ZNF433: variants seen among roughly 807,000 people sequenced by gnomAD.
ZNF433 encodes zinc finger protein 433.
A neutral mutation model predicts 10.6 loss-of-function variants in ZNF433; 12 were observed. The observed-to-expected ratio is 1.13, with a 90% CI of 0.72 to 1.83. ZNF433 has a LOEUF of 1.83. Ranked by LOEUF, ZNF433 falls within the 40% of genes most tolerant of loss-of-function variation. ZNF433 has a pLI of 0.00. For synonymous variants in ZNF433, 272 were observed against 271.3 expected (o/e 1.00, Z -0.02); for missense variants, 737 against 798.0 (o/e 0.92, Z 0.92).
chr19:12,017,948 A>G lies in ZNF433; in HGVS notation c.131-12T>C. 6.4e-7 allele frequency: 1 copy of G among 1,556,708 alleles called. No individual in the cohort carries two copies. Among genetic ancestry groups the G allele is most frequent in the Non-Finnish European group, 8.7e-7 (1 of 1,152,532 alleles). On this transcript the variant is annotated splice_polypyrimidine_tract_variant and intron_variant, in intron 2 of 3. Coordinates refer to ENST00000550507, the MANE Select transcript of ZNF433 (RefSeq NM_001308348.2). ...TTTCCATTTTTTCCCTACAACACAC[A>G]ACAAGGAAAATAATCTTGAATTAGT...
At chr19:12,031,337 T>A (rs1402594105) in intron 1 of ZNF433, among the ~76,000 whole-genome samples, 1 of 141,770 alleles carries the variant, frequency 7.1e-6, no homozygotes, top group Non-Finnish European at 1.5e-5. Flanking sequence ...ACAAAGCAGC[T>A]GACCAACATT....
chr19:12,032,329 A>C (rs923143304), intron 1 of ZNF433, among the ~76,000 whole-genome samples: 1 of 152,114 alleles, frequency 6.6e-6, no homozygotes, highest in African/African-American at 2.4e-5. Flanking sequence ...AAAATAGTAA[A>C]CTTTCCCTAT....
chr19:12,031,295 AAAAAAAAAAAAAAAACAAAAC>A (rs1189830964), intron 1 of ZNF433, among the ~76,000 whole-genome samples: 2 of 120,864 alleles, frequency 1.7e-5, no homozygotes, highest in African/African-American at 8.1e-5. Context: ...ACTCCATCTC[AAAAAAAAAAAAAAAACAAAAC>A]AAAAAAAAAA....
chr19:12,018,214 G>C lies in ZNF433; in HGVS notation c.82C>G (p.Leu28Val). Residue 28 changes from leucine to valine, a missense_variant, in exon 2 of 4, where the codon CTC becomes GTC. Leu to Val is a conservative substitution (Grantham distance 32). Coordinates refer to ENST00000550507, the MANE Select transcript of ZNF433 (RefSeq NM_001308348.2). Reference sequence around the variant, plus strand: ...GTTTCTTGCATCACATCTCTACAGAGATTTTTCTGGGAAGGATCCAGCAAA... The same window carrying C: ...GTTTCTTGCATCACATCTCTACAGACATTTTTCTGGGAAGGATCCAGCAAA... Reference protein sequence around the residue: ...WALLDPSQKNLCRDVMQETFR... With the variant: ...WALLDPSQKNVCRDVMQETFR... The C allele has an allele frequency of 1.2e-6, 2 of 1,612,680 alleles. No individual in the cohort carries two copies. The highest frequency in any genetic ancestry group is 1.7e-6 in the Non-Finnish European group (2 of 1,179,498).
Position 12,033,561 on chromosome 19 carries a change from A to G in ZNF433, c.3+1976T>C, listed in dbSNP as rs759143479. Among the ~76,000 whole-genome samples, 4 of 151,512 alleles carry G rather than the reference A, an allele frequency of 2.6e-5. No homozygotes were observed. The East Asian group carries it at 7.8e-4, about 30-fold the overall frequency. On this transcript the variant is annotated intron_variant, in intron 1 of 3. Transcript: ENST00000550507. ...AAACGGGCCAGGCGCAGTGACTCAC[A>G]CCTGTAATCCCAGCACTTTGGGAGG...
At chr19:12,019,290 A>G (rs1974375021) in intron 1 of ZNF433, among the ~76,000 whole-genome samples, 1 of 151,988 alleles carries the variant, frequency 6.6e-6, no homozygotes, top group Non-Finnish European at 1.5e-5. Context: ...GCATGGTGGT[A>G]TGCACCTGCA....
intron 1 of ZNF433, chr19:12,024,713 C>G (rs1172449342): frequency 6.6e-6 from 1 of 152,226 alleles, no homozygotes; most frequent in Non-Finnish European, 1.5e-5. Context: ...TTCAACTCAG[C>G]ATTCACCTAC....
intron 1 of ZNF433, among the ~76,000 whole-genome samples, chr19:12,027,571 A>G (rs1258103152): frequency 6.6e-6 from 1 of 152,254 alleles, no homozygotes; most frequent in African/African-American, 2.4e-5. Flanking sequence ...GCTGCAGATA[A>G]CTAGCCAGAG....
chr19:12,022,499 G>A (rs1974545991), intron 1 of ZNF433, among the ~76,000 whole-genome samples: 1 of 152,176 alleles, frequency 6.6e-6, no homozygotes. Context: ...CCATGACCGA[G>A]ATGGTCTTGG....
In ZNF433 at chr19:12,033,444, G is replaced by A. The variant is rs139302130; in HGVS notation, c.3+2093C>T. On this transcript the variant is annotated intron_variant, in intron 1 of 3. Coordinates refer to ENST00000550507, the MANE Select transcript of ZNF433 (RefSeq NM_001308348.2). ...TGAGGCAGGAGAATGGCATGAACCC[G>A]GGAGGTGGAGCTTGCAGTGAGCAGA... Among the ~76,000 whole-genome samples the A allele has an allele frequency of 2.6e-3, 399 of 152,262 alleles. 3 individuals carry two copies. The highest frequency in any genetic ancestry group is 4.6e-3 in the South Asian group (22 of 4,828).
intron 1 of ZNF433, among the ~76,000 whole-genome samples, chr19:12,032,325 G>C (rs190649312): frequency 1.3e-5 from 2 of 152,052 alleles, no homozygotes; most frequent in Non-Finnish European, 2.9e-5. Flanking sequence ...AGTTAAAATA[G>C]TAAACTTTCC....
intron 1 of ZNF433, among the ~76,000 whole-genome samples, chr19:12,035,331 G>A (rs1443552409): frequency 6.6e-6 from 1 of 152,214 alleles, no homozygotes; most frequent in African/African-American, 2.4e-5. Context: ...CAGTCACCGC[G>A]CAGGGACAGG....
chr19:12,022,929 A>G (rs140362048), intron 1 of ZNF433, among the ~76,000 whole-genome samples: 84 of 152,322 alleles, frequency 5.5e-4, no homozygotes, highest in African/African-American at 1.9e-3. Flanking sequence ...ACCTTGAGCA[A>G]TGGCTCTCAG....
At chr19:12,027,923 A>C (rs1974817785) in intron 1 of ZNF433, 1 of 152,230 alleles carries the variant, frequency 6.6e-6, no homozygotes, top group Admixed American at 6.5e-5. Context: ...AGGCTATAGC[A>C]ACCAGTATTC....
intron 1 of ZNF433, among the ~76,000 whole-genome samples, chr19:12,033,444 G>T (rs139302130): frequency 1.3e-5 from 2 of 152,144 alleles, no homozygotes; most frequent in African/African-American, 4.8e-5. Flanking sequence ...GCATGAACCC[G>T]GGAGGTGGAG....
At chr19:12,031,730 A>G (rs990051331) in intron 1 of ZNF433, among the ~76,000 whole-genome samples, 5 of 152,220 alleles carry the variant, frequency 3.3e-5, no homozygotes, top group Non-Finnish European at 5.9e-5. Flanking sequence ...CCTCATCCCT[A>G]CAAAAAATAA....
In ZNF433 at chr19:12,015,477, AAGAG is replaced by A. The variant is rs754758741; in HGVS notation, c.1377_1380del (p.Phe462LysfsTer205). 8.1e-6 allele frequency: 13 copies of A among 1,613,526 alleles called. No homozygotes were observed. The highest frequency in any genetic ancestry group is 1.1e-5 in the South Asian group (1 of 91,034). ...TGCATCCTTTCATGTATTTGAAAGA[AAGAG>A]AAATTACTAAATGGTTTTCCACATT... is the stretch of plus-strand genomic sequence containing the variant. On this transcript the variant is annotated frameshift_variant, in exon 4 of 4. Transcript: ENST00000550507. LOFTEE classifies it low-confidence loss of function (END_TRUNC).
intron 1 of ZNF433, among the ~76,000 whole-genome samples, chr19:12,030,614 C>T (rs1974970887): frequency 6.6e-6 from 1 of 152,094 alleles, no homozygotes; most frequent in African/African-American, 2.4e-5. Flanking sequence ...GAATACATCA[C>T]AGCTTTGAGA....
At chr19:12,021,569 G>A (rs374425086) in intron 1 of ZNF433, among the ~76,000 whole-genome samples, 10 of 152,084 alleles carry the variant, frequency 6.6e-5, no homozygotes, top group Admixed American at 1.3e-4. Flanking sequence ...ATTACGTGTC[G>A]TGAGAACTGT....
Sources: allele counts gnomAD v4.1 joint callset (sites outside exome capture counted in the v4.1 genomes callset), GRCh38; gene constraint gnomAD v4.1.1; transcripts MANE v1.5; gene names NCBI Gene and HGNC (gene_info 2026-07-23, HGNC 2026-07-21).